The following PREX2 variants were observed in gnomAD, a reference collection of about 807,000 sequenced individuals.
The protein encoded by PREX2 is phosphatidylinositol-3,4,5-trisphosphate dependent Rac exchange factor 2.
In PREX2, 107 loss-of-function variants were observed where a neutral mutation model predicts 203.2. The ratio of observed to expected loss-of-function variants is 0.53; its 90% CI spans 0.45 to 0.62. The LOEUF is 0.62. Ranked by LOEUF, PREX2 falls within the 20% of genes least tolerant of loss-of-function variation. The pLI is 0.00. For missense variants in PREX2, 1,777 were observed against 1,955.9 expected (o/e 0.91, Z 1.72); for synonymous variants, 672 against 663.6 (o/e 1.01, Z -0.19).
At chr8:68,104,562 G>T (rs1003016429) in intron 23 of PREX2, among the ~76,000 whole-genome samples, 4 of 152,116 alleles carry the variant, frequency 2.6e-5, no homozygotes, top group Non-Finnish European at 4.4e-5. Flanking sequence ...GATCATCCTG[G>T]TTACAACTGG....
chr8:68,134,294 C>A lies in PREX2; in HGVS notation c.3984+18C>A, dbSNP rs367903794. ...CAAACTTGGTAAGGAAATCACATGA[C>A]TCCCACTGTCTGTGTCAACTGTAAC... On this transcript the variant is annotated intron_variant, in intron 32 of 39. Transcript: ENST00000288368. The A allele has an allele frequency of 3.2e-6, 5 of 1,571,754 alleles. No individual in the cohort carries two copies.
intron 4 of PREX2, among the ~76,000 whole-genome samples, chr8:68,025,441 T>C (rs1226238419): frequency 1.3e-5 from 2 of 152,066 alleles, no homozygotes; most frequent in African/African-American, 2.4e-5. Flanking sequence ...AGATTTTCTC[T>C]TTGTGTTTTT....
chr8:67,980,951 G>A (rs568998088), intron 1 of PREX2, among the ~76,000 whole-genome samples: 4 of 152,298 alleles, frequency 2.6e-5, no homozygotes, highest in South Asian at 2.1e-4. Flanking sequence ...ATACAACTGC[G>A]CGTGGCTTTC....
intron 25 of PREX2, among the ~76,000 whole-genome samples, chr8:68,115,147 C>A (rs1415487156): frequency 6.6e-6 from 1 of 150,976 alleles, no homozygotes; most frequent in East Asian, 2.0e-4. Context: ...CCTGCCTTAG[C>A]CTCCTGAGTA....
intron 37 of PREX2, among the ~76,000 whole-genome samples, chr8:68,205,453 G>A (rs1812603362): frequency 1.3e-5 from 2 of 152,162 alleles, no homozygotes; most frequent in Admixed American, 1.3e-4. Context: ...GCCTTGCTCA[G>A]GGTGAATAAG....
Position 68,115,743 on chromosome 8 carries a change from T to C in PREX2, c.3147-10T>C, listed in dbSNP as rs1162326492. 1 of 1,592,740 alleles carries C rather than the reference T, an allele frequency of 6.3e-7. No homozygotes were observed. The highest frequency in any genetic ancestry group is 8.5e-7 in the Non-Finnish European group (1 of 1,170,212). ...GAAAATGTGCATTTTTTTTTAATAT[T>C]ACATTGCAGCCTTCTGTCTTCAATA... On this transcript the variant is annotated splice_polypyrimidine_tract_variant and intron_variant, in intron 25 of 39. Coordinates refer to ENST00000288368, the MANE Select transcript of PREX2 (RefSeq NM_024870.4).
At chr8:68,010,650 G>A (rs1269016280) in intron 1 of PREX2, among the ~76,000 whole-genome samples, 2 of 152,120 alleles carry the variant, frequency 1.3e-5, no homozygotes, top group Admixed American at 1.3e-4. Context: ...TGATTTAATG[G>A]GTGAGGAAAC....
rs528741719 is a variant in PREX2, at chr8:68,062,296, C to G, written c.1339+1517C>G. Among the ~76,000 whole-genome samples the G allele has an allele frequency of 1.8e-4, 27 of 152,276 alleles. No individual in the cohort carries two copies. The South Asian group carries it at 5.2e-3, about 29-fold the overall frequency. ...CTGTAGTACACTCTCCGGGTCACAG[C>G]TAAAGAGACCTTTTAAAACGGGGAT... On this transcript the variant is annotated intron_variant, in intron 11 of 39. Coordinates refer to ENST00000288368, the MANE Select transcript of PREX2 (RefSeq NM_024870.4).
intron 17 of PREX2, chr8:68,082,613 C>G (rs1478958910): frequency 6.6e-6 from 1 of 152,250 alleles, no homozygotes; most frequent in African/African-American, 2.4e-5. Context: ...AGGCTTTCAT[C>G]ATTTAGCTGA....
chr8:68,134,081 A>T lies in PREX2; in HGVS notation c.3789A>T (p.Arg1263Ser). 1.2e-6 allele frequency: 2 copies of T among 1,614,082 alleles called. No homozygotes were observed. The highest frequency in any genetic ancestry group is 1.7e-6 in the Non-Finnish European group (2 of 1,179,934). The change falls in exon 32 of 40, where the codon AGA (arginine) becomes AGT (serine). Residue 1263 changes from arginine (R) to serine (S), a missense_variant. Arg to Ser is a moderately radical substitution (Grantham distance 110, BLOSUM62 -1). Coordinates refer to ENST00000288368, the MANE Select transcript of PREX2 (RefSeq NM_024870.4). ...EYSDSETQLR[R>S]DMVFCQTLVA... ...CAGATAGTGAGACACAGCTCCGTAG[A>T]GACATGGTTTTCTGCCAGACTCTTG...
At chr8:68,200,576 G>C (rs1360710593) in intron 37 of PREX2, among the ~76,000 whole-genome samples, 1 of 151,086 alleles carries the variant, frequency 6.6e-6, no homozygotes, top group African/African-American at 2.4e-5. Context: ...TCCTTAAAAA[G>C]GTGGTCATAT....
intron 21 of PREX2, among the ~76,000 whole-genome samples, chr8:68,094,126 G>T (rs994289779): frequency 6.6e-6 from 1 of 152,148 alleles, no homozygotes; most frequent in African/African-American, 2.4e-5. Flanking sequence ...TTTAGACCTG[G>T]CCTCCAGTGT....
chr8:67,997,419 C>A (rs1051642318), intron 1 of PREX2, among the ~76,000 whole-genome samples: 2 of 152,064 alleles, frequency 1.3e-5, no homozygotes, highest in Non-Finnish European at 2.9e-5. Context: ...AGACTAATAA[C>A]AATAACTAAG....
chr8:68,052,834 T>C (rs939463680), intron 8 of PREX2, among the ~76,000 whole-genome samples: 1 of 152,216 alleles, frequency 6.6e-6, no homozygotes, highest in African/African-American at 2.4e-5. Flanking sequence ...AGCATGTAAG[T>C]GTTAATTAGT....
intron 35 of PREX2, among the ~76,000 whole-genome samples, chr8:68,173,930 A>G (rs1046161785): frequency 1.2e-4 from 19 of 152,194 alleles, no homozygotes; most frequent in Admixed American, 6.6e-4. Context: ...TACCCCAAAA[A>G]GATAGTTAGG....
At chr8:68,110,996 A>G (rs1810522878) in intron 25 of PREX2, 1 of 414,138 alleles carries the variant, frequency 2.4e-6, no homozygotes, top group Non-Finnish European at 4.8e-6. Context: ...ATTGCATGAC[A>G]TCTTTGAATT....
In PREX2 at chr8:68,122,862, TGA is replaced by T. The variant is rs557710487; in HGVS notation, c.3724+1819_3724+1820del. ...TTTCTAATTTGATTGTGTTATTGTCTGAGAGAGTGGTTGTTATGATTTCACTT... is the reference window on the plus strand; with the variant it reads ...TTTCTAATTTGATTGTGTTATTGTCTGAGAGTGGTTGTTATGATTTCACTT... On this transcript the variant is annotated intron_variant, in intron 30 of 39. Transcript: ENST00000288368. Among the ~76,000 whole-genome samples, 142 of 152,244 alleles carry T rather than the reference TGA, an allele frequency of 9.3e-4. 2 individuals are homozygous for T. The highest frequency in any genetic ancestry group is 1.5e-3 in the Non-Finnish European group (102 of 67,986).
At chr8:68,106,346 C>A (rs751432675) in intron 23 of PREX2, 14 of 510,914 alleles carry the variant, frequency 2.7e-5, no homozygotes, top group Non-Finnish European at 5.4e-5. Flanking sequence ...CTCCAAGTCA[C>A]CGTTTCTTTA....
At chr8:68,091,386 A>G (rs1434762) in intron 20 of PREX2, among the ~76,000 whole-genome samples, 67,361 of 152,064 alleles carry the variant, frequency 0.44, 15,425 homozygotes, top group African/African-American at 0.56. Flanking sequence ...TGGCATATAA[A>G]AGAAAACTCC....
Sources: gnomAD v4.1 joint callset for allele counts (sites outside exome capture counted in the v4.1 genomes callset) on GRCh38, gnomAD v4.1.1 for gene constraint, MANE v1.5 for transcripts, NCBI Gene and HGNC (gene_info 2026-07-23, HGNC 2026-07-21) for gene names.